The following CCDC171 variants were observed in gnomAD, a reference collection of about 807,000 sequenced individuals.
The protein encoded by CCDC171 is coiled-coil domain-containing protein 171.
CCDC171 carries 177 observed loss-of-function variants against 168.2 expected under a neutral mutation model. The observed-to-expected ratio is 1.05, with a 90% CI of 0.93 to 1.19. The LOEUF (loss-of-function observed/expected upper bound fraction) is 1.19, where lower values mean the gene tolerates loss of function less well. CCDC171 is among the 50% of genes most tolerant of loss of function. The probability of loss-of-function intolerance (pLI) is 0.00; values close to 1 mark genes in which losing one functional copy is unlikely to be tolerated. For synonymous variants in CCDC171, 687 were observed against 540.8 expected (o/e 1.27, Z -3.75); for missense variants, 1,991 against 1,539.0 (o/e 1.29, Z -4.91).
At chr9:15,844,430 G>A (rs2060811846) in intron 21 of CCDC171, among the ~76,000 whole-genome samples, 1 of 151,848 alleles carries the variant, frequency 6.6e-6, no homozygotes, top group African/African-American at 2.4e-5. Flanking sequence ...GGGAAAAGAC[G>A]TATTCTTGAA....
intron 2 of CCDC171, among the ~76,000 whole-genome samples, chr9:15,568,518 C>T (rs1476591876): frequency 6.6e-6 from 1 of 152,226 alleles, no homozygotes; most frequent in Non-Finnish European, 1.5e-5. Context: ...GATCCACCCG[C>T]CTTGGCCTCC....
chr9:15,846,327 C>G (rs886332345), intron 21 of CCDC171, among the ~76,000 whole-genome samples: 1 of 152,032 alleles, frequency 6.6e-6, no homozygotes, highest in African/African-American at 2.4e-5. Context: ...AACTCTAATT[C>G]TATTTGGAAT....
intron 18 of CCDC171, among the ~76,000 whole-genome samples, chr9:15,763,018 A>G (rs1034752551): frequency 1.3e-5 from 2 of 152,200 alleles, no homozygotes; most frequent in Non-Finnish European, 2.9e-5. Flanking sequence ...GCTGGCTACA[A>G]ATTCGTGGTC....
At chr9:15,678,989 A>G (rs2049844843) in intron 10 of CCDC171, 93 bp downstream of exon 10, 5 of 942,970 alleles carry the variant, frequency 5.3e-6, no homozygotes, top group Non-Finnish European at 7.8e-6. Flanking sequence ...CCATGAGATA[A>G]TAGTATGCAA....
chr9:15,663,223 T>C (rs2048457612), intron 8 of CCDC171, among the ~76,000 whole-genome samples: 1 of 152,248 alleles, frequency 6.6e-6, no homozygotes, highest in African/African-American at 2.4e-5. Context: ...ATATCTGTTA[T>C]GTTTGCACAG....
chr9:15,723,682 A>G lies in CCDC171; in HGVS notation c.1427A>G (p.Glu476Gly), dbSNP rs1192001681. 6.3e-7 allele frequency: 1 copy of G among 1,591,466 alleles called. No individual in the cohort carries two copies. The highest frequency in any genetic ancestry group is 8.6e-7 in the Non-Finnish European group (1 of 1,166,476). Residue 476 changes from glutamate (E) to glycine (G), a missense_variant and splice_region_variant, in exon 13 of 26, where the codon GAA becomes GGA. Physicochemically the swap from Glu to Gly is moderately conservative, Grantham distance 98. Coordinates refer to ENST00000380701, the MANE Select transcript of CCDC171 (RefSeq NM_173550.4). ...CTAAACAGCATGAATGATGTTAAGG[A>G]AAAGGCATGTAATGAACTTGATTCT... ...QNKLEDASNE[E>G]KACNELDSTK...
intron 1 of CCDC171, among the ~76,000 whole-genome samples, chr9:15,560,892 G>T (rs1044350789): frequency 6.6e-6 from 1 of 152,108 alleles, no homozygotes; most frequent in Non-Finnish European, 1.5e-5. Flanking sequence ...TTTGTTGATG[G>T]TGACATACAG....
intron 11 of CCDC171, among the ~76,000 whole-genome samples, chr9:15,700,903 T>C (rs1245840850): frequency 6.6e-6 from 1 of 152,104 alleles, no homozygotes; most frequent in Non-Finnish European, 1.5e-5. Context: ...ATTATTAGTT[T>C]TTTTTTTTGT....
intron 25 of CCDC171, among the ~76,000 whole-genome samples, chr9:15,938,377 A>G (rs1827334969): frequency 6.6e-6 from 1 of 151,894 alleles, no homozygotes; most frequent in Admixed American, 6.6e-5. Context: ...TGCATACACT[A>G]TTAATAGAGA....
intron 21 of CCDC171, among the ~76,000 whole-genome samples, chr9:15,812,943 A>G (rs1018799342): frequency 6.6e-6 from 1 of 152,200 alleles, no homozygotes; most frequent in East Asian, 1.9e-4. Context: ...CGTGGTAACT[A>G]CTGAGCACTA....
chr9:15,728,062 C>G, intron 15 of CCDC171, 26 bp downstream of exon 15: 1 of 1,575,386 alleles, frequency 6.3e-7, no homozygotes, highest in Non-Finnish European at 8.7e-7. Flanking sequence ...CACCAGATAC[C>G]TCTATTAAAT....
intron 18 of CCDC171, among the ~76,000 whole-genome samples, chr9:15,746,077 A>T (rs1013543664): frequency 6.6e-6 from 1 of 152,194 alleles, no homozygotes; most frequent in East Asian, 1.9e-4. Context: ...AGATGGAATT[A>T]ATTTGGATAG....
chr9:16,089,590 G>A, the CCDC171 span, among the ~76,000 whole-genome samples: 1 of 151,720 alleles, frequency 6.6e-6, no homozygotes, highest in African/African-American at 2.4e-5. Flanking sequence ...TCAGTTTTCT[G>A]CACATGGCTA....
downstream of CCDC171, among the ~76,000 whole-genome samples, chr9:15,978,522 C>CTTCCTAAGAGACAATTTTGA (rs1472714071): frequency 1.3e-5 from 2 of 152,144 alleles, no homozygotes; most frequent in Non-Finnish European, 2.9e-5. Flanking sequence ...AATCCCTGTT[C>CTTCCTAAGAGACAATTTTGA]TTCCTAAGAG....
chr9:15,558,011 A>G lies in CCDC171; in HGVS notation c.-112+4709A>G, dbSNP rs201837661. 7.9e-5 allele frequency among the ~76,000 whole-genome samples: 12 copies of G among 152,186 alleles called. No homozygotes were observed. In the South Asian group the frequency reaches 2.3e-3, roughly 29 times the overall value. ...TTGAGATAATCATGTGGTTTTTGTC[A>G]TTGGTTCTGTTTATGTGATGGATTA... On this transcript the variant is annotated intron_variant, in intron 1 of 25. Coordinates refer to ENST00000380701, the MANE Select transcript of CCDC171 (RefSeq NM_173550.4).
chr9:15,685,015 A>C (rs553439173), intron 10 of CCDC171, among the ~76,000 whole-genome samples: 7 of 152,286 alleles, frequency 4.6e-5, no homozygotes, highest in African/African-American at 1.7e-4. Context: ...ATCCTAGGGC[A>C]ACAAATTCCA....
intron 18 of CCDC171, among the ~76,000 whole-genome samples, chr9:15,759,472 C>T (rs113961403): frequency 2.8e-3 from 433 of 152,250 alleles, no homozygotes; most frequent in Non-Finnish European, 5.1e-3. Context: ...ATTAAACTTT[C>T]CCTAGTTGTC....
Position 15,860,198 on chromosome 9 carries a change from G to A in CCDC171, c.3468+11251G>A, listed in dbSNP as rs146241138. On this transcript the variant is annotated intron_variant, in intron 23 of 25. Transcript: ENST00000380701. ...GTCTTACTAAAGGTTTGTAAATTTC[G>A]TCTTTTCAAAATATAAACTCTTAGT... 3.4e-4 allele frequency among the ~76,000 whole-genome samples: 51 copies of A among 150,212 alleles called. No individual in the cohort carries two copies. In the East Asian group the frequency reaches 5.3e-3, roughly 16 times the overall value.
intron 7 of CCDC171, among the ~76,000 whole-genome samples, chr9:15,624,321 T>C (rs1188361134): frequency 1.3e-5 from 2 of 152,194 alleles, no homozygotes; most frequent in African/African-American, 2.4e-5. Context: ...AATTAATTAA[T>C]TTTTTATTAT....
Sources: allele counts gnomAD v4.1 joint callset (sites outside exome capture counted in the v4.1 genomes callset), GRCh38; gene constraint gnomAD v4.1.1; transcripts MANE v1.5; gene names NCBI Gene and HGNC (gene_info 2026-07-23, HGNC 2026-07-21).